NMT2: variants seen among roughly 807,000 people sequenced by gnomAD.
The protein encoded by NMT2 is N-myristoyltransferase 2, also known as glycylpeptide N-tetradecanoyltransferase 2.
Under a neutral mutation model 65.4 loss-of-function variants are expected in NMT2, and 35 were observed. The ratio of observed to expected loss-of-function variants is 0.54; its 90% CI spans 0.41 to 0.71. The LOEUF is 0.71. Ranked by LOEUF, NMT2 falls within the 30% of genes least tolerant of loss-of-function variation. NMT2 has a pLI of 0.00. For synonymous variants in NMT2, 226 were observed against 231.8 expected (o/e 0.98, Z 0.23); for missense variants, 489 against 611.3 (o/e 0.80, Z 2.11).
chr10:15,147,392 A>G (rs1323871146), intron 1 of NMT2, among the ~76,000 whole-genome samples: 2 of 152,160 alleles, frequency 1.3e-5, no homozygotes, highest in Admixed American at 6.6e-5. Context: ...CTAGTGTATA[A>G]TAATCACAAT....
chr10:15,141,278 G>T, intron 2 of NMT2, 144 bp downstream of exon 2: 1 of 1,119,488 alleles, frequency 8.9e-7, no homozygotes, highest in Non-Finnish European at 1.3e-6. Flanking sequence ...TAAGGAGGCT[G>T]TCAAGAGCTT....
At chr10:15,134,353 C>CATCAT (rs1846396106) in intron 3 of NMT2, among the ~76,000 whole-genome samples, 2 of 152,292 alleles carry the variant, frequency 1.3e-5, no homozygotes, top group South Asian at 4.1e-4. Flanking sequence ...CCATGATGAC[C>CATCAT]GGGGCAGGCC....
chr10:15,154,021 G>T (rs1360752662), intron 1 of NMT2, among the ~76,000 whole-genome samples: 2 of 152,152 alleles, frequency 1.3e-5, no homozygotes, highest in Non-Finnish European at 2.9e-5. Flanking sequence ...AATAACAGCC[G>T]CTCACAACAC....
intron 9 of NMT2, among the ~76,000 whole-genome samples, chr10:15,116,122 G>T (rs1845736210): frequency 6.6e-6 from 1 of 152,178 alleles, no homozygotes; most frequent in African/African-American, 2.4e-5. Flanking sequence ...CAACCGTAGT[G>T]GTATACACGT....
In NMT2 at chr10:15,119,511, A is replaced by G; in HGVS notation, c.1002T>C (p.Val334=). 3 of 1,613,336 alleles carry G rather than the reference A, an allele frequency of 1.9e-6. No homozygotes were observed. The change falls in exon 9 of 12, where the codon GTT becomes GTC. Residue 334 remains valine (V), a splice_region_variant and synonymous_variant. Transcript: ENST00000378165. ...TTGGTCTCAAACCTGAAGTCTTTGT[A>G]ACCTTGTTGGAGGGGAAACAAAACA... is the stretch of plus-strand genomic sequence containing the variant. ...RTMKLYRLPD[V]TKTSGLRPME...
intron 10 of NMT2, among the ~76,000 whole-genome samples, chr10:15,111,509 C>CAAAAAAAAAAAAAAAAAAAA (rs58537120): frequency 1.9e-5 from 1 of 52,804 alleles, no homozygotes; most frequent in Non-Finnish European, 4.0e-5. Flanking sequence ...AGACTCATCT[C>CAAAAAAAAAAAAAAAAAAAA]AAAAAAAAAA....
chr10:15,123,600 T>C (rs957073632), intron 8 of NMT2, among the ~76,000 whole-genome samples: 11 of 151,462 alleles, frequency 7.3e-5, no homozygotes, highest in African/African-American at 2.7e-4. Flanking sequence ...ATTATAACTA[T>C]TGTCCTCAGA....
At chr10:15,150,880 T>A (rs1832778039) in intron 1 of NMT2, among the ~76,000 whole-genome samples, 1 of 152,170 alleles carries the variant, frequency 6.6e-6, no homozygotes, top group African/African-American at 2.4e-5. Context: ...GGAATCTTGA[T>A]GATCCCCCTT....
intron 9 of NMT2, among the ~76,000 whole-genome samples, chr10:15,118,074 C>T (rs752233534): frequency 5.3e-5 from 8 of 152,068 alleles, no homozygotes; most frequent in Non-Finnish European, 1.2e-4. Flanking sequence ...TCTTGACAAA[C>T]AAGAATAAAG....
intron 3 of NMT2, among the ~76,000 whole-genome samples, chr10:15,134,209 A>C (rs1418153500): frequency 6.6e-6 from 1 of 152,148 alleles, no homozygotes; most frequent in Non-Finnish European, 1.5e-5. Flanking sequence ...GATTTCCACC[A>C]AGAAGAGTTT....
chr10:15,120,016 T>C (rs1845872558), intron 8 of NMT2, among the ~76,000 whole-genome samples: 1 of 152,136 alleles, frequency 6.6e-6, no homozygotes, highest in African/African-American at 2.4e-5. Context: ...ACGAAAAATA[T>C]TCGGGGAAAA....
At chr10:15,121,980 C>G (rs916020288) in intron 8 of NMT2, among the ~76,000 whole-genome samples, 49 of 151,732 alleles carry the variant, frequency 3.2e-4, no homozygotes, top group African/African-American at 1.1e-3. Flanking sequence ...CTCTCAAAAC[C>G]AATGAGTCAG....
intron 1 of NMT2, among the ~76,000 whole-genome samples, chr10:15,145,370 CTTTA>C (rs1846926392): frequency 6.6e-6 from 1 of 151,978 alleles, no homozygotes; most frequent in Non-Finnish European, 1.5e-5. Context: ...GAATGGTATA[CTTTA>C]TTTATTTTTG....
intron 1 of NMT2, chr10:15,168,287 C>T: frequency 2.5e-6 from 1 of 392,306 alleles, no homozygotes; most frequent in Non-Finnish European, 4.5e-6. Context: ...CGGGCCCCAG[C>T]CTCCCCGCCC....
intron 1 of NMT2, among the ~76,000 whole-genome samples, chr10:15,147,420 A>G (rs964604485): frequency 6.6e-6 from 1 of 152,188 alleles, no homozygotes; most frequent in Non-Finnish European, 1.5e-5. Flanking sequence ...TAAGGAAAAC[A>G]TTATTAAACT....
chr10:15,162,508 G>A (rs1833233074), intron 1 of NMT2, among the ~76,000 whole-genome samples: 1 of 151,822 alleles, frequency 6.6e-6, no homozygotes, highest in South Asian at 2.1e-4. Flanking sequence ...TCACATGCAA[G>A]TGCTCCATGT....
chr10:15,161,951 C>A (rs766753314), intron 1 of NMT2, among the ~76,000 whole-genome samples: 2 of 152,068 alleles, frequency 1.3e-5, no homozygotes, highest in Non-Finnish European at 2.9e-5. Context: ...TGAAAACATA[C>A]TTGTTCAAAA....
chr10:15,163,743 T>C (rs11259526), intron 1 of NMT2, among the ~76,000 whole-genome samples: 28,050 of 152,160 alleles, frequency 0.18, 3,324 homozygotes, highest in African/African-American at 0.33. Context: ...TACAACAACA[T>C]AGTGCCCAAA....
chr10:15,127,977 C>T lies in NMT2; in HGVS notation c.999+373G>A, dbSNP rs1163694744. Among the ~76,000 whole-genome samples the T allele has an allele frequency of 2.0e-5, 3 of 152,116 alleles. No homozygotes were observed. The South Asian group carries it at 6.2e-4, about 32-fold the overall frequency. On this transcript the variant is annotated intron_variant, in intron 8 of 11. Transcript: ENST00000378165. ...ATGATAATTTAATGAGACATTATTT[C>T]CACTCGCTGGGTCTCTCCTCTACAC...
Sources: gnomAD v4.1 joint callset for allele counts (sites outside exome capture counted in the v4.1 genomes callset) on GRCh38, gnomAD v4.1.1 for gene constraint, MANE v1.5 for transcripts, NCBI Gene and HGNC (gene_info 2026-07-23, HGNC 2026-07-21) for gene names.